The following JADE3 variants were observed in gnomAD, a reference collection of about 807,000 sequenced individuals.
JADE3 encodes jade family PHD finger 3, also known as protein Jade-3.
In JADE3, 2 loss-of-function variants were observed where a neutral mutation model predicts 50.1. The ratio of observed to expected loss-of-function variants is 0.04; its 90% CI spans 0.02 to 0.13. The LOEUF (loss-of-function observed/expected upper bound fraction) is 0.13. JADE3 is among the 10% of genes least tolerant of loss of function. The pLI is 1.00. For missense variants in JADE3, 475 were observed against 634.4 expected, an observed-to-expected ratio of 0.75 and a Z score of 2.70; for synonymous variants, 218 against 232.9, an observed-to-expected ratio of 0.94 and a Z score of 0.58.
intron 5 of JADE3, 22 bp downstream of exon 5, chrX:47,024,936 A>T: frequency 5.2e-6 from 5 of 967,925 alleles, no homozygotes; most frequent in Non-Finnish European, 7.2e-6. Flanking sequence ...TCTCACAAGT[A>T]AGTTGTGACT....
At chrX:46,976,310 T>C (rs1318265933) in intron 1 of JADE3, among the ~76,000 whole-genome samples, 1 of 111,766 alleles carries the variant, frequency 8.9e-6, no homozygotes, top group Non-Finnish European at 1.9e-5. Flanking sequence ...ACCGCAGGCT[T>C]AGGTTCCAGT....
intron 1 of JADE3, among the ~76,000 whole-genome samples, chrX:46,972,612 T>C (rs1246675395): frequency 9.0e-6 from 1 of 111,565 alleles, no homozygotes; most frequent in Admixed American, 9.5e-5. Flanking sequence ...TCTGTTTTTT[T>C]CTTTTTTGAG....
intron 8 of JADE3, 68 bp from the exon 9 acceptor site, chrX:47,054,090 G>A (rs1929578078): frequency 1.4e-6 from 1 of 728,248 alleles, no homozygotes; most frequent in African/African-American, 2.2e-5. Flanking sequence ...ATCAATTTAG[G>A]TCCAGAAACA....
At chrX:47,002,371 T>C (rs1928307369) in intron 4 of JADE3, among the ~76,000 whole-genome samples, 1 of 111,651 alleles carries the variant, frequency 9.0e-6, no homozygotes, top group African/African-American at 3.2e-5. Context: ...TATTCCACTT[T>C]CTTTGTCTTT....
At chrX:46,937,593 G>C (rs782386135) in intron 1 of JADE3, among the ~76,000 whole-genome samples, 2 of 112,327 alleles carry the variant, frequency 1.8e-5, no homozygotes, top group African/African-American at 6.5e-5. Context: ...TACACATTTA[G>C]GATTGTTAAG....
chrX:46,985,728 T>G lies in JADE3; in HGVS notation c.62T>G (p.Phe21Cys). 3 of 1,197,630 alleles carry G rather than the reference T, an allele frequency of 2.5e-6. No homozygotes were observed. Among genetic ancestry groups the G allele is most frequent in the African/African-American group, 1.7e-5 (1 of 57,548 alleles). The change falls in exon 3 of 11, where the codon TTT becomes TGT. Residue 21 changes from phenylalanine (F) to cysteine (C), a missense_variant. Phe to Cys is a radical substitution (Grantham distance 205). Transcript: ENST00000614628. Reference protein sequence around the residue: ...DSSDESPSTSFTSGSMYRIKS... With the variant: ...DSSDESPSTSCTSGSMYRIKS... The stretch of plus-strand genomic sequence containing the variant: ...TCTTTCACAGGTCCTTCCACTTCCT[T>G]TACTTCTGGCTCAATGTATAGGATC...
At chrX:47,000,139 T>C (rs1487696500) in intron 4 of JADE3, among the ~76,000 whole-genome samples, 1 of 111,014 alleles carries the variant, frequency 9.0e-6, no homozygotes, top group East Asian at 2.8e-4. Context: ...CTGCCTATGC[T>C]CTGTTAAGGA....
At position 46,985,698 on chromosome X, in the gene JADE3, A is replaced by G; in HGVS notation, c.47-15A>G. On this transcript the variant is annotated splice_polypyrimidine_tract_variant and intron_variant, in intron 2 of 10. Transcript: ENST00000614628. ...GTAATGTGTCTCAGTATTTTTTTCT[A>G]ATTATCTTTCACAGGTCCTTCCACT... The G allele has an allele frequency of 8.9e-7, 1 of 1,123,258 alleles. No individual in the cohort carries two copies. The highest frequency in any genetic ancestry group is 3.0e-5 in the East Asian group (1 of 33,422). The allele number at this position is 1,123,258 out of a possible 1,213,427, so 92.6% of individuals were successfully genotyped here. A position where few individuals can be genotyped will look rare whatever the true frequency, so the allele number is the denominator to read the frequency against.
chrX:46,972,492 G>A (rs889691312), intron 1 of JADE3, among the ~76,000 whole-genome samples: 2 of 112,312 alleles, frequency 1.8e-5, no homozygotes, highest in South Asian at 3.7e-4. Flanking sequence ...CACTGCACCC[G>A]GCCACAAGTT....
intron 1 of JADE3, among the ~76,000 whole-genome samples, chrX:46,927,083 G>A (rs1926386262): frequency 8.9e-6 from 1 of 112,268 alleles, no homozygotes; most frequent in Non-Finnish European, 1.9e-5. Flanking sequence ...GAGTTTGAAT[G>A]CTAGGATGGA....
intron 1 of JADE3, among the ~76,000 whole-genome samples, chrX:46,959,305 A>C (rs1927203812): frequency 8.9e-6 from 1 of 112,353 alleles, no homozygotes; most frequent in Non-Finnish European, 1.9e-5. Context: ...TACCTCTGTC[A>C]AAACACTTGG....
At chrX:46,991,059 T>TCCCCCCCCCCCCCCCCC (rs1927987157) in intron 3 of JADE3, among the ~76,000 whole-genome samples, 1 of 369 alleles carries the variant, frequency 2.7e-3, no homozygotes, top group Non-Finnish European at 6.1e-3. Flanking sequence ...CCTCCCTCCC[T>TCCCCCCCCCCCCCCCCC]CACTCCCTCC....
At chrX:46,913,825 C>T (rs1336052876) in intron 1 of JADE3, among the ~76,000 whole-genome samples, 4 of 110,495 alleles carry the variant, frequency 3.6e-5, no homozygotes, top group Non-Finnish European at 5.7e-5. Context: ...TGGCAAGAAA[C>T]TTGTTTGGCC....
At position 47,054,190 on chromosome X, in the gene JADE3, C is replaced by T. The variant is rs782532227; in HGVS notation, c.1005C>T (p.His335=). The T allele has an allele frequency of 4.7e-5, 57 of 1,206,029 alleles. No homozygotes were observed. The South Asian group carries it at 5.7e-4, about 12-fold the overall frequency. Reference sequence around the variant, plus strand: ...TAAAAAGCTGCATCACTGCCTTCCACGTCACCTGTGCCTTTGAGCACGGCC... The same window carrying T: ...TAAAAAGCTGCATCACTGCCTTCCATGTCACCTGTGCCTTTGAGCACGGCC... ...CSIKSCITAF[H]VTCAFEHGLE... Residue 335 remains histidine, a synonymous_variant, in exon 9 of 11, where the codon CAC becomes CAT. Transcript: ENST00000614628.
At chrX:47,004,590 C>T (rs1464640508) in intron 4 of JADE3, among the ~76,000 whole-genome samples, 3 of 111,709 alleles carry the variant, frequency 2.7e-5, no homozygotes, top group East Asian at 2.8e-4. Context: ...CCGCCATATG[C>T]GGCTAATTTT....
At chrX:46,982,545 G>C (rs1431177272) in intron 1 of JADE3, among the ~76,000 whole-genome samples, 1 of 111,175 alleles carries the variant, frequency 9.0e-6, no homozygotes, top group Non-Finnish European at 1.9e-5. Context: ...ATAATATATT[G>C]TAACAATTGT....
Position 47,050,702 on chromosome X carries a change from A to G in JADE3, c.973-3456A>G, listed in dbSNP as rs1375551107. ...ATGTTTATATTTGTCTCTACATTCT[A>G]TAAACATTCTATAAATTTGACCTGA... On this transcript the variant is annotated intron_variant, in intron 8 of 10. Coordinates refer to ENST00000614628, the MANE Select transcript of JADE3 (RefSeq NM_014735.5). 3.2e-4 allele frequency among the ~76,000 whole-genome samples: 36 copies of G among 111,792 alleles called. 1 individual carries two copies. The highest frequency in any genetic ancestry group is 5.6e-5 in the Non-Finnish European group (3 of 53,216).
Position 47,058,931 on chromosome X carries a change from T to G in JADE3, c.2326T>G (p.Ser776Ala), listed in dbSNP as rs1929699292. 1 of 1,209,374 alleles carries G rather than the reference T, an allele frequency of 8.3e-7. No individual in the cohort carries two copies. The highest frequency in any genetic ancestry group is 1.1e-6 in the Non-Finnish European group (1 of 895,040). Reference protein sequence around the residue: ...GYCPDLELSDSEAESDGNKEK... With the variant: ...GYCPDLELSDAEAESDGNKEK... ...TTGCCCAGATTTGGAGCTGAGTGAT[T>G]CAGAGGCAGAAAGTGATGGGAATAA... Residue 776 changes from serine to alanine, a missense_variant, in exon 11 of 11, where the codon TCA becomes GCA. Transcript: ENST00000614628.
intron 4 of JADE3, among the ~76,000 whole-genome samples, chrX:47,005,799 G>A (rs1314184081): frequency 4.5e-5 from 5 of 111,595 alleles, no homozygotes; most frequent in African/African-American, 1.6e-4. Flanking sequence ...ATCCATGGAA[G>A]CCTAGTGGGG....
Sources: allele counts gnomAD v4.1 joint callset (sites outside exome capture counted in the v4.1 genomes callset), GRCh38; gene constraint gnomAD v4.1.1; transcripts MANE v1.5; gene names NCBI Gene and HGNC (gene_info 2026-07-23, HGNC 2026-07-21).